The following LRRTM4 variants were observed in gnomAD, a reference collection of about 807,000 sequenced individuals.
LRRTM4 encodes the protein leucine-rich repeat transmembrane neuronal protein 4.
In LRRTM4, 25 loss-of-function variants were observed where a neutral mutation model predicts 47.6. The ratio of observed to expected loss-of-function variants is 0.53; its 90% confidence interval spans 0.38 to 0.73. The LOEUF is 0.73. LRRTM4 is among the 30% of genes least tolerant of loss of function. The pLI is 0.00. For synonymous variants in LRRTM4, 311 were observed against 269.5 expected (o/e 1.15, Z -1.51); for missense variants, 638 against 713.4 (o/e 0.89, Z 1.20).
intron 3 of LRRTM4, among the ~76,000 whole-genome samples, chr2:77,111,947 A>G (rs983672987): frequency 1.3e-5 from 2 of 152,224 alleles, no homozygotes; most frequent in African/African-American, 2.4e-5. Flanking sequence ...GAATTTAGGA[A>G]TGCCCATAGT....
chr2:76,847,730 TTTA>T (rs1462208417), intron 3 of LRRTM4, among the ~76,000 whole-genome samples: 2 of 152,136 alleles, frequency 1.3e-5, no homozygotes, highest in African/African-American at 4.8e-5. Flanking sequence ...TTATTTTACC[TTTA>T]TTAACTACTT....
At chr2:77,318,089 C>G (rs986744943) in intron 3 of LRRTM4, among the ~76,000 whole-genome samples, 1 of 148,188 alleles carries the variant, frequency 6.7e-6, no homozygotes, top group African/African-American at 2.5e-5. Context: ...TCACTACAAG[C>G]TCCGCCTCCC....
intron 3 of LRRTM4, among the ~76,000 whole-genome samples, chr2:77,321,459 T>C (rs1233226245): frequency 6.9e-6 from 1 of 145,372 alleles, no homozygotes; most frequent in African/African-American, 2.6e-5. Context: ...CAGGGGACAT[T>C]AGAAAATCCA....
intron 3 of LRRTM4, among the ~76,000 whole-genome samples, chr2:76,943,947 C>T (rs975581385): frequency 3.9e-4 from 60 of 152,150 alleles, no homozygotes; most frequent in Non-Finnish European, 2.8e-4. Flanking sequence ...TGCCATTATC[C>T]TCTTGTTTGG....
At chr2:77,343,563 C>T (rs2104281182) in intron 3 of LRRTM4, among the ~76,000 whole-genome samples, 1 of 151,686 alleles carries the variant, frequency 6.6e-6, no homozygotes, top group East Asian at 1.9e-4. Flanking sequence ...ACTAAATTTT[C>T]CAAAAAATAT....
chr2:76,929,673 G>C (rs1310154043), intron 3 of LRRTM4, among the ~76,000 whole-genome samples: 1 of 152,018 alleles, frequency 6.6e-6, no homozygotes, highest in African/African-American at 2.4e-5. Context: ...ATTCCCCAGG[G>C]CTGCAGACTT....
chr2:77,183,824 T>C (rs763913423), intron 3 of LRRTM4, among the ~76,000 whole-genome samples: 3 of 151,996 alleles, frequency 2.0e-5, no homozygotes, highest in Non-Finnish European at 4.4e-5. Flanking sequence ...CAGCAACCTA[T>C]TGCAAGGACA....
intron 3 of LRRTM4, among the ~76,000 whole-genome samples, chr2:77,136,474 T>A (rs1671946117): frequency 6.6e-6 from 1 of 152,166 alleles, no homozygotes; most frequent in Non-Finnish European, 1.5e-5. Flanking sequence ...AAACCCCATC[T>A]GTATGTCACC....
intron 3 of LRRTM4, among the ~76,000 whole-genome samples, chr2:77,038,369 T>C (rs1439293272): frequency 2.0e-5 from 3 of 151,620 alleles, no homozygotes; most frequent in Non-Finnish European, 4.4e-5. Flanking sequence ...TTAAGCTAAC[T>C]GCAGTCCTAA....
chr2:77,429,588 A>G (rs949997614), intron 3 of LRRTM4, among the ~76,000 whole-genome samples: 1 of 152,208 alleles, frequency 6.6e-6, no homozygotes, highest in Non-Finnish European at 1.5e-5. Flanking sequence ...CTTTAATTGA[A>G]ATAAGCCAGG....
chr2:77,088,352 C>T (rs1217667587), intron 3 of LRRTM4, among the ~76,000 whole-genome samples: 1 of 152,114 alleles, frequency 6.6e-6, no homozygotes, highest in East Asian at 1.9e-4. Flanking sequence ...TAACTGATGA[C>T]ATTCCACCAC....
intron 3 of LRRTM4, among the ~76,000 whole-genome samples, chr2:76,979,463 T>C (rs1676523870): frequency 6.8e-6 from 1 of 147,478 alleles, no homozygotes; most frequent in Non-Finnish European, 1.5e-5. Flanking sequence ...TTGAGATGTG[T>C]TGTGATATGT....
At chr2:76,921,272 GT>G (rs1674424777) in intron 3 of LRRTM4, among the ~76,000 whole-genome samples, 1 of 152,046 alleles carries the variant, frequency 6.6e-6, no homozygotes, top group Non-Finnish European at 1.5e-5. Flanking sequence ...TTTTTCTAAT[GT>G]TTTTCTGATG....
intron 3 of LRRTM4, among the ~76,000 whole-genome samples, chr2:77,180,680 A>T (rs1195359963): frequency 6.6e-6 from 1 of 152,156 alleles, no homozygotes; most frequent in African/African-American, 2.4e-5. Flanking sequence ...TGCCTATTTC[A>T]TTTCCATTTG....
chr2:76,802,488 C>A (rs1221745073), intron 3 of LRRTM4, among the ~76,000 whole-genome samples: 1 of 151,966 alleles, frequency 6.6e-6, no homozygotes, highest in Non-Finnish European at 1.5e-5. Context: ...TTAATGGAAA[C>A]ATATCCTGTG....
intron 3 of LRRTM4, among the ~76,000 whole-genome samples, chr2:77,281,922 AT>A (rs1676517051): frequency 6.6e-6 from 1 of 151,902 alleles, no homozygotes; most frequent in Admixed American, 6.6e-5. Context: ...TGTAAAAAAA[AT>A]CATTCACATT....
intron 3 of LRRTM4, among the ~76,000 whole-genome samples, chr2:77,386,943 A>T (rs144452171): frequency 5.3e-5 from 8 of 152,012 alleles, no homozygotes; most frequent in African/African-American, 1.9e-4. Flanking sequence ...CCCAGAACTT[A>T]AAAAAAATAA....
chr2:77,345,179 A>G (rs1671517618), intron 3 of LRRTM4, among the ~76,000 whole-genome samples: 1 of 151,734 alleles, frequency 6.6e-6, no homozygotes. Flanking sequence ...GAATAAAGAT[A>G]AAACAATAAA....
intron 3 of LRRTM4, among the ~76,000 whole-genome samples, chr2:77,122,560 A>G (rs980467392): frequency 1.3e-5 from 2 of 151,132 alleles, no homozygotes; most frequent in African/African-American, 4.8e-5. Context: ...ATACACATAT[A>G]TATAATCTTT....
Sources: allele counts gnomAD v4.1 joint callset (sites outside exome capture counted in the v4.1 genomes callset), GRCh38; gene constraint gnomAD v4.1.1; transcripts MANE v1.5; gene names NCBI Gene and HGNC (gene_info 2026-07-23, HGNC 2026-07-21).